The following POU2F1 variants were observed in gnomAD, a reference collection of about 807,000 sequenced individuals.
The protein encoded by POU2F1 is POU class 2 homeobox 1, also known as POU domain, class 2, transcription factor 1.
Under a neutral mutation model 84.9 loss-of-function variants are expected in POU2F1, and 16 were observed. The ratio of observed to expected loss-of-function variants is 0.19; its 90% confidence interval spans 0.13 to 0.29. The LOEUF (loss-of-function observed/expected upper bound fraction) is 0.29, where lower values mean the gene tolerates loss of function less well. Among genes scored for constraint, POU2F1 ranks in the 10% least tolerant of loss-of-function variants. POU2F1 has a pLI of 1.00. For missense variants in POU2F1, 738 were observed against 942.6 expected (o/e 0.78, Z 2.84); for synonymous variants, 368 against 368.3 (o/e 1.00, Z 0.01).
At chr1:167,371,552 C>T (rs1659999239) in intron 4 of POU2F1, among the ~76,000 whole-genome samples, 2 of 152,046 alleles carry the variant, frequency 1.3e-5, no homozygotes, top group Admixed American at 1.3e-4. Context: ...TTCAGACTGA[C>T]CACCAGGTGT....
chr1:167,391,512 A>G (rs1648396412), intron 9 of POU2F1, among the ~76,000 whole-genome samples: 1 of 146,036 alleles, frequency 6.8e-6, no homozygotes, highest in African/African-American at 2.5e-5. Flanking sequence ...CCCCAAATGT[A>G]CTATGGGTGT....
chr1:167,356,906 A>G (rs1658976783), intron 2 of POU2F1, among the ~76,000 whole-genome samples: 1 of 152,106 alleles, frequency 6.6e-6, no homozygotes, highest in Non-Finnish European at 1.5e-5. Flanking sequence ...GTGTTTAGGA[A>G]GTTGTAGACA....
chr1:167,233,483 C>G lies in POU2F1; in HGVS notation c.61+12525C>G, dbSNP rs1028356764. On this transcript the variant is annotated intron_variant, in intron 1 of 15. Transcript: ENST00000367866. The stretch of plus-strand genomic sequence containing the variant: ...AATACTTACCATTGTGTTAGGATGC[C>G]TGCAGTACAACAGTAGAATAACATG... Among the ~76,000 whole-genome samples the G allele has an allele frequency of 1.1e-4, 17 of 152,174 alleles. No homozygotes were observed. The East Asian group carries it at 3.1e-3, about 28-fold the overall frequency.
At chr1:167,313,134 G>C (rs1285444327) in intron 1 of POU2F1, among the ~76,000 whole-genome samples, 1 of 152,182 alleles carries the variant, frequency 6.6e-6, no homozygotes, top group African/African-American at 2.4e-5. Context: ...ACATGTACAG[G>C]AAGTGCGTGC....
chr1:167,406,322 A>C (rs989428977), intron 13 of POU2F1, among the ~76,000 whole-genome samples: 2 of 152,242 alleles, frequency 1.3e-5, no homozygotes, highest in African/African-American at 2.4e-5. Context: ...ATTTGTAAAA[A>C]TCCAAAACCC....
intron 1 of POU2F1, among the ~76,000 whole-genome samples, chr1:167,222,662 C>T (rs562546268): frequency 1.3e-5 from 2 of 152,272 alleles, no homozygotes; most frequent in South Asian, 4.1e-4. Flanking sequence ...CACACTTTCC[C>T]CTCCTCTGCG....
chr1:167,302,138 C>T (rs1466885768), intron 1 of POU2F1, among the ~76,000 whole-genome samples: 1 of 152,096 alleles, frequency 6.6e-6, no homozygotes, highest in Non-Finnish European at 1.5e-5. Flanking sequence ...GTGGCACCAT[C>T]TCGGCTTACT....
At chr1:167,282,945 C>G (rs1653260710) in intron 1 of POU2F1, among the ~76,000 whole-genome samples, 2 of 152,190 alleles carry the variant, frequency 1.3e-5, no homozygotes, top group Admixed American at 1.3e-4. Context: ...ATGGGAGTTA[C>G]AAAAGAACTT....
intron 1 of POU2F1, among the ~76,000 whole-genome samples, chr1:167,271,137 A>G (rs904302777): frequency 1.3e-5 from 2 of 152,254 alleles, no homozygotes; most frequent in Non-Finnish European, 2.9e-5. Context: ...TTAAAGAGGT[A>G]TCAAGTCCTT....
intron 1 of POU2F1, among the ~76,000 whole-genome samples, chr1:167,290,141 A>G (rs548416041): frequency 6.6e-6 from 1 of 152,318 alleles, no homozygotes; most frequent in Admixed American, 6.5e-5. Flanking sequence ...CTGTAATCCC[A>G]GCAGTTTGGC....
At chr1:167,314,633 G>A (rs1179248542) in intron 1 of POU2F1, among the ~76,000 whole-genome samples, 2 of 152,068 alleles carry the variant, frequency 1.3e-5, no homozygotes, top group Admixed American at 1.3e-4. Context: ...AATAAGCCGG[G>A]CATTGTGGTG....
In POU2F1 at chr1:167,320,913, A is replaced by G. The variant is rs376077187; in HGVS notation, c.62-11557A>G. The stretch of plus-strand genomic sequence containing the variant: ...TCATGGCATAGGTAGGAATGCCTAG[A>G]GCAGGTCATGTCCAATTAATGTCCC... On this transcript the variant is annotated intron_variant, in intron 1 of 15. Transcript: ENST00000367866. 3.3e-5 allele frequency among the ~76,000 whole-genome samples: 5 copies of G among 152,184 alleles called. No individual in the cohort carries two copies. In the East Asian group the frequency reaches 9.6e-4, roughly 29 times the overall value.
chr1:167,307,710 T>C (rs1054868148), intron 1 of POU2F1, among the ~76,000 whole-genome samples: 1 of 152,082 alleles, frequency 6.6e-6, no homozygotes, highest in African/African-American at 2.4e-5. Context: ...AACATAAAAC[T>C]CAGAAAATTA....
intron 2 of POU2F1, among the ~76,000 whole-genome samples, chr1:167,348,397 CAT>C (rs1658337148): frequency 6.6e-6 from 1 of 152,142 alleles, no homozygotes; most frequent in Admixed American, 6.5e-5. Context: ...AATAGTTAAA[CAT>C]AGAATTACCG....
In POU2F1 at chr1:167,365,492, T is replaced by C. The variant is rs751390707; in HGVS notation, c.153T>C (p.Phe51=). The change falls in exon 3 of 16, where the codon TTT becomes TTC. Residue 51 remains phenylalanine, a synonymous_variant. Transcript: ENST00000367866. ...GCACACAAACCAATGGTCTGGACTT[T>C]CAGAAGCAGCCTGTGCCTGTAGGAG... is the stretch of plus-strand genomic sequence containing the variant. ...NTGTQTNGLD[F]QKQPVPVGGA... 6.2e-7 allele frequency: 1 copy of C among 1,602,130 alleles called. No individual in the cohort carries two copies. Among genetic ancestry groups the C allele is most frequent in the Admixed American group, 1.7e-5 (1 of 57,550 alleles).
At chr1:167,278,194 C>T (rs1024064848) in intron 1 of POU2F1, among the ~76,000 whole-genome samples, 6 of 152,180 alleles carry the variant, frequency 3.9e-5, no homozygotes, top group Non-Finnish European at 8.8e-5. Flanking sequence ...CATGCTCTGA[C>T]CTTTTACTTC....
At chr1:167,340,498 C>G (rs1657775464) in intron 2 of POU2F1, among the ~76,000 whole-genome samples, 1 of 141,896 alleles carries the variant, frequency 7.0e-6, no homozygotes, top group Admixed American at 7.4e-5. Flanking sequence ...GTGGCACGAT[C>G]TCGGCTCACT....
chr1:167,410,140 G>A (rs1309413442), intron 13 of POU2F1, among the ~76,000 whole-genome samples: 1 of 152,176 alleles, frequency 6.6e-6, no homozygotes, highest in Non-Finnish European at 1.5e-5. Context: ...AGGGGCAGTG[G>A]CAATAAAAAT....
chr1:167,287,438 A>G (rs1409363362), intron 1 of POU2F1, among the ~76,000 whole-genome samples: 2 of 152,230 alleles, frequency 1.3e-5, no homozygotes, highest in African/African-American at 2.4e-5. Flanking sequence ...GTAACCCAAA[A>G]TGACAGAACC....
Sources: gnomAD v4.1 joint callset for allele counts (sites outside exome capture counted in the v4.1 genomes callset) on GRCh38, gnomAD v4.1.1 for gene constraint, MANE v1.5 for transcripts, NCBI Gene and HGNC (gene_info 2026-07-23, HGNC 2026-07-21) for gene names.